CEP44: variants seen among roughly 807,000 people sequenced by gnomAD.
CEP44 encodes centrosomal protein of 44 kDa.
CEP44 carries 45 observed loss-of-function variants against 46.7 expected under a neutral mutation model. That is an observed-to-expected ratio of 0.96 (90% CI 0.76 to 1.24). The LOEUF is 1.24. CEP44 is among the 50% of genes most tolerant of loss of function. The pLI is 0.00. For synonymous variants in CEP44, 142 were observed against 146.0 expected (o/e 0.97, Z 0.20); for missense variants, 475 against 459.7 (o/e 1.03, Z -0.30).
intron 9 of CEP44, 29 bp from the exon 10 acceptor site, chr4:174,316,137 A>T: frequency 6.2e-7 from 1 of 1,604,556 alleles, no homozygotes. Flanking sequence ...TGAAAGGAAA[A>T]GGTAATCTAA....
chr4:174,320,853 AG>A (rs1300682682), downstream of CEP44, among the ~76,000 whole-genome samples: 1 of 151,754 alleles, frequency 6.6e-6, no homozygotes, highest in East Asian at 1.9e-4. Context: ...AGAATGGGTA[AG>A]GGGGCAAAAC....
At chr4:174,304,114 A>C in intron 5 of CEP44, 133 bp from the exon 6 acceptor site, 6 of 1,115,894 alleles carry the variant, frequency 5.4e-6, no homozygotes, top group Non-Finnish European at 7.4e-6. Flanking sequence ...TTTAAAAGTC[A>C]TGTAGTCTCA....
downstream of CEP44, among the ~76,000 whole-genome samples, chr4:174,325,263 C>T (rs1742588148): frequency 6.6e-6 from 1 of 152,072 alleles, no homozygotes; most frequent in African/African-American, 2.4e-5. This position sits in a 1 kb window ranked among gnomAD's most constrained non-coding sequence, Gnocchi z 4.4. Context: ...GATTTTCCCC[C>T]ACTCTGTGGT....
intron 1 of CEP44, among the ~76,000 whole-genome samples, chr4:174,294,725 A>G (rs1238115322): frequency 4.7e-5 from 5 of 105,632 alleles, no homozygotes; most frequent in Admixed American, 4.6e-4. Context: ...CGGGGGGCTG[A>G]CCACCCCCCA....
Position 174,329,051 on chromosome 4 carries a change from A to G in CEP44, c.1087-2431A>G, listed in dbSNP as rs1013459200. 7.2e-5 allele frequency among the ~76,000 whole-genome samples: 11 copies of G among 152,072 alleles called. No individual in the cohort carries two copies. Among genetic ancestry groups the G allele is most frequent in the Non-Finnish European group, 1.0e-4 (7 of 68,014 alleles). ...AACCTAGAACCCCTTGGCTCAAGCAATCCTCCCACAGCAGCCACGTGAGTA... is the reference window on the plus strand; with the variant it reads ...AACCTAGAACCCCTTGGCTCAAGCAGTCCTCCCACAGCAGCCACGTGAGTA... On this transcript the variant is annotated intron_variant, in intron 8 of 8. Coordinates refer to the CEP44 transcript ENST00000426172. The surrounding 1 kb of genome is among the most constrained non-coding windows in gnomAD (Gnocchi z 4.0).
At chr4:174,332,436 T>C (rs1263831339) in exon 9 of CEP44, 2 of 152,204 alleles carry the variant, frequency 1.3e-5, no homozygotes, top group African/African-American at 2.4e-5. Context: ...CCACATCTTA[T>C]AAAACACATT....
chr4:174,286,543 G>T lies in CEP44; in HGVS notation c.-148+2600G>T, dbSNP rs1579055367. Among the ~76,000 whole-genome samples, 1 of 152,192 alleles carries T rather than the reference G, an allele frequency of 6.6e-6. No individual in the cohort carries two copies. Among genetic ancestry groups the T allele is most frequent in the South Asian group, 2.1e-4 (1 of 4,830 alleles). ...TTCTATGAAGTGTCCATGGACAGTT[G>T]TGGTAGATGTTTTTATGTAAGTTAT... On this transcript the variant is annotated intron_variant, in intron 1 of 11. Transcript: ENST00000503780. The surrounding 1 kb of genome is among the most constrained non-coding windows in gnomAD (Gnocchi z 5.2).
In CEP44 at chr4:174,318,243, A is replaced by G. The variant is rs571822152; in HGVS notation, c.*860A>G. 3.3e-5 allele frequency: 26 copies of G among 776,714 alleles called. No homozygotes were observed. Among genetic ancestry groups the G allele is most frequent in the Admixed American group, 6.2e-5 (1 of 16,030 alleles). 48.1% of individuals were successfully genotyped at this position (776,714 alleles called of 1,614,324 possible). A position where few individuals can be genotyped will look rare whatever the true frequency, so the allele number is the denominator to read the frequency against. ...CATGCCCAGCTAATTTTGTATTTTT[A>G]TTAGAGACAGGGTTTCTCCGTGTTG... On this transcript the variant is annotated 3_prime_UTR_variant, in exon 12 of 12. Coordinates refer to ENST00000503780, the MANE Select transcript of CEP44 (RefSeq NM_001040157.3).
chr4:174,323,924 C>T (rs916332022), downstream of CEP44, among the ~76,000 whole-genome samples: 1 of 152,070 alleles, frequency 6.6e-6, no homozygotes, highest in South Asian at 2.1e-4. Context: ...GAGATGTTAT[C>T]TATAAGGAAA....
chr4:174,322,009 A>C (rs1490457862), downstream of CEP44, among the ~76,000 whole-genome samples: 6 of 152,220 alleles, frequency 3.9e-5, no homozygotes, highest in East Asian at 1.2e-3. Context: ...ACTGGGTAAG[A>C]ATCTGATTAT....
chr4:174,324,296 A>G (rs2126695114), downstream of CEP44, among the ~76,000 whole-genome samples: 1 of 152,164 alleles, frequency 6.6e-6, no homozygotes, highest in East Asian at 1.9e-4. Context: ...TCATCAGTTG[A>G]TGGACATTGT....
At chr4:174,308,319 C>A (rs1220398694) in intron 6 of CEP44, among the ~76,000 whole-genome samples, 1 of 152,104 alleles carries the variant, frequency 6.6e-6, no homozygotes, top group African/African-American at 2.4e-5. Context: ...GGATCATGTC[C>A]TTTGCAGAGA....
chr4:174,309,668 A>T lies in CEP44; in HGVS notation c.679-182A>T, dbSNP rs1187214521. On this transcript the variant is annotated intron_variant, in intron 7 of 11. Transcript: ENST00000503780. The surrounding 1 kb of genome is among the most constrained non-coding windows in gnomAD (Gnocchi z 5.3). Reference sequence around the variant, plus strand: ...TTAATGAGGAAATGGAGGCATCAAGATCATAAATCTCAGAACTGGTTTAAG... The same window carrying T: ...TTAATGAGGAAATGGAGGCATCAAGTTCATAAATCTCAGAACTGGTTTAAG... Among the ~76,000 whole-genome samples, 1 of 151,866 alleles carries T rather than the reference A, an allele frequency of 6.6e-6. No individual in the cohort carries two copies. Among genetic ancestry groups the T allele is most frequent in the Non-Finnish European group, 1.5e-5 (1 of 67,904 alleles).
intron 3 of CEP44, among the ~76,000 whole-genome samples, chr4:174,300,405 A>G (rs982934598): frequency 3.3e-5 from 5 of 152,190 alleles, no homozygotes; most frequent in African/African-American, 1.2e-4. Context: ...ACCATCCAGA[A>G]CTTGCAGGGG....
At position 174,318,251 on chromosome 4, in the gene CEP44, C is replaced by T; in HGVS notation, c.*868C>T. 2 of 797,136 alleles carry T rather than the reference C, an allele frequency of 2.5e-6. No homozygotes were observed. The highest frequency in any genetic ancestry group is 1.9e-5 in the African/African-American group (1 of 53,436). The allele number at this position is 797,136 out of a possible 1,614,324, so 49.4% of individuals were successfully genotyped here. ...GCTAATTTTGTATTTTTATTAGAGA[C>T]AGGGTTTCTCCGTGTTGGTCAGGCT... On this transcript the variant is annotated 3_prime_UTR_variant, in exon 12 of 12. Coordinates refer to ENST00000503780, the MANE Select transcript of CEP44 (RefSeq NM_001040157.3).
At chr4:174,291,783 TTTTC>T (rs1337319126) in intron 1 of CEP44, among the ~76,000 whole-genome samples, 8 of 125,186 alleles carry the variant, frequency 6.4e-5, no homozygotes, top group African/African-American at 2.4e-4. Context: ...TATCTTTTTC[TTTTC>T]TTTTTTTTTT....
intron 6 of CEP44, among the ~76,000 whole-genome samples, chr4:174,307,137 A>G (rs1740502166): frequency 6.6e-6 from 1 of 152,188 alleles, no homozygotes; most frequent in African/African-American, 2.4e-5. Context: ...GAAACCAAAA[A>G]AGACCCAAAT....
In CEP44 at chr4:174,319,249, G is replaced by T. The variant is rs1236410243; in HGVS notation, c.*1866G>T. The T allele has an allele frequency of 2.1e-6, 2 of 969,394 alleles. No homozygotes were observed. The highest frequency in any genetic ancestry group is 3.5e-5 in the African/African-American group (2 of 56,982). The allele number at this position is 969,394 out of a possible 1,614,324, so 60.0% of individuals were successfully genotyped here. A position where few individuals can be genotyped will look rare whatever the true frequency, so the allele number is the denominator to read the frequency against. Reference sequence around the variant, plus strand: ...CATGTTAGCTTTAATTTTTTCAATTGTGAGAGAAGTACATTTATAAAAATT... The same window carrying T: ...CATGTTAGCTTTAATTTTTTCAATTTTGAGAGAAGTACATTTATAAAAATT... On this transcript the variant is annotated 3_prime_UTR_variant, in exon 12 of 12. Transcript: ENST00000503780.
In CEP44 at chr4:174,302,202, C is replaced by G. The variant is rs201484664; in HGVS notation, c.237+16C>G. On this transcript the variant is annotated intron_variant, in intron 4 of 11. Coordinates refer to ENST00000503780, the MANE Select transcript of CEP44 (RefSeq NM_001040157.3). The stretch of plus-strand genomic sequence containing the variant: ...TGTCTATAAGGTATTTTGAGTTTAT[C>G]AAACAATAACTATTAGTTATTGAAT... 540 of 1,516,532 alleles carry G rather than the reference C, an allele frequency of 3.6e-4. No homozygotes were observed. The highest frequency in any genetic ancestry group is 4.7e-4 in the Non-Finnish European group (525 of 1,110,588). 93.9% of individuals were successfully genotyped at this position (1,516,532 alleles called of 1,614,324 possible). A position where few individuals can be genotyped will look rare whatever the true frequency, so the allele number is the denominator to read the frequency against.
Sources: allele counts gnomAD v4.1 joint callset (sites outside exome capture counted in the v4.1 genomes callset), GRCh38; gene constraint gnomAD v4.1.1; non-coding constraint Gnocchi (gnomAD v3.1); transcripts MANE v1.5; gene names NCBI Gene and HGNC (gene_info 2026-07-23, HGNC 2026-07-21).